Variants in NCOA6 observed in about 807,000 individuals in gnomAD.
NCOA6 encodes NRC RAP250.
A neutral mutation model predicts 171.4 loss-of-function variants in NCOA6; 49 were observed. The ratio of observed to expected loss-of-function variants is 0.29; its 90% confidence interval spans 0.23 to 0.36. The LOEUF (loss-of-function observed/expected upper bound fraction) is 0.36. Among genes scored for constraint, NCOA6 ranks in the 10% least tolerant of loss-of-function variants. The pLI, the probability that NCOA6 is intolerant of heterozygous loss-of-function variation, is 1.00. For missense variants in NCOA6, 2,248 were observed against 2,554.5 expected, an observed-to-expected ratio of 0.88 and a Z score of 2.59; for synonymous variants, 910 against 927.5, an observed-to-expected ratio of 0.98 and a Z score of 0.34.
intron 5 of NCOA6, among the ~76,000 whole-genome samples, chr20:34,763,771 T>C (rs930699081): frequency 6.6e-6 from 1 of 152,186 alleles, no homozygotes; most frequent in Non-Finnish European, 1.5e-5. Flanking sequence ...ACCTAACGTC[T>C]AGAGCCCCAG....
At chr20:34,801,831 C>T (rs561009953) in intron 1 of NCOA6, among the ~76,000 whole-genome samples, 92 of 152,206 alleles carry the variant, frequency 6.0e-4, no homozygotes, top group Non-Finnish European at 1.2e-3. Flanking sequence ...CATCAATGCA[C>T]TCCAGCCTCG....
chr20:34,771,263 G>A (rs547132859), intron 4 of NCOA6, among the ~76,000 whole-genome samples: 1 of 152,148 alleles, frequency 6.6e-6, no homozygotes, highest in East Asian at 1.9e-4. Context: ...GGGACTACAG[G>A]AGTATGCCAA....
intron 1 of NCOA6, among the ~76,000 whole-genome samples, chr20:34,794,068 T>C (rs1408584252): frequency 1.3e-5 from 2 of 152,240 alleles, no homozygotes; most frequent in Admixed American, 1.3e-4. Context: ...CAGGCACTCT[T>C]ATTCATTGCT....
intron 1 of NCOA6, among the ~76,000 whole-genome samples, chr20:34,801,861 AAAAAC>A (rs3053687): frequency 6.6e-6 from 1 of 151,654 alleles, no homozygotes; most frequent in African/African-American, 2.4e-5. Flanking sequence ...ACTCCATCTC[AAAAAC>A]AAAACAAAAC....
chr20:34,778,071 A>G (rs560462056), intron 3 of NCOA6, among the ~76,000 whole-genome samples: 23 of 152,094 alleles, frequency 1.5e-4, no homozygotes, highest in African/African-American at 5.5e-4. Flanking sequence ...CGCCCAGCTA[A>G]TTTTTGTATT....
At chr20:34,751,583 T>C (rs1337743023) in intron 8 of NCOA6, among the ~76,000 whole-genome samples, 1 of 151,896 alleles carries the variant, frequency 6.6e-6, no homozygotes, top group African/African-American at 2.4e-5. Flanking sequence ...GCAGTTAATC[T>C]TGATCTGGAA....
intron 8 of NCOA6, among the ~76,000 whole-genome samples, chr20:34,751,109 G>A (rs1215499330): frequency 6.6e-6 from 1 of 151,944 alleles, no homozygotes; most frequent in African/African-American, 2.4e-5. Context: ...GGTGGCTCAC[G>A]CCTGTAATCC....
chr20:34,732,577 G>C lies in NCOA6; in HGVS notation c.5981C>G (p.Ala1994Gly). ...ATCTTACCTTTGTCCAGAGACTATGGCAGCATTTACCTCCAGCTCTGCAAA... is the reference window on the plus strand; with the variant it reads ...ATCTTACCTTTGTCCAGAGACTATGCCAGCATTTACCTCCAGCTCTGCAAA... ...VARPELEVNAAIVSGQSSEPK... is the reference protein window; with the variant it reads ...VARPELEVNAGIVSGQSSEPK... The change falls in exon 13 of 15, where the codon GCC (alanine) becomes GGC (glycine). Residue 1994 changes from alanine (A) to glycine (G), a missense_variant. Coordinates refer to ENST00000359003, the MANE Select transcript of NCOA6 (RefSeq NM_014071.5). The C allele has an allele frequency of 6.2e-7, 1 of 1,613,710 alleles. No individual in the cohort carries two copies. Among genetic ancestry groups the C allele is most frequent in the Non-Finnish European group, 8.5e-7 (1 of 1,179,822 alleles).
At chr20:34,747,606 G>C (rs2076346191) in intron 9 of NCOA6, among the ~76,000 whole-genome samples, 1 of 152,170 alleles carries the variant, frequency 6.6e-6, no homozygotes, top group South Asian at 2.1e-4. Flanking sequence ...CATTTTGTTT[G>C]TAATCTCAGT....
At chr20:34,823,004 C>A (rs1056213686) in intron 1 of NCOA6, among the ~76,000 whole-genome samples, 1 of 152,122 alleles carries the variant, frequency 6.6e-6, no homozygotes, top group South Asian at 2.1e-4. Flanking sequence ...TTATGCGCAT[C>A]ATGTCTTTGA....
At chr20:34,783,293 G>A (rs1181866402) in intron 2 of NCOA6, among the ~76,000 whole-genome samples, 1 of 151,986 alleles carries the variant, frequency 6.6e-6, no homozygotes, top group African/African-American at 2.4e-5. Flanking sequence ...AAAAAAAAAG[G>A]GGGTTGATAT....
chr20:34,812,908 A>G (rs1030993099), intron 1 of NCOA6, among the ~76,000 whole-genome samples: 1 of 152,064 alleles, frequency 6.6e-6, no homozygotes, highest in Admixed American at 6.6e-5. Flanking sequence ...TAATCCCAGC[A>G]CACTGGGAGG....
At chr20:34,739,585 A>G (rs1289360473) in intron 11 of NCOA6, among the ~76,000 whole-genome samples, 1 of 152,214 alleles carries the variant, frequency 6.6e-6, no homozygotes, top group East Asian at 1.9e-4. Flanking sequence ...AATAGTCATG[A>G]GCAAATCTTC....
chr20:34,803,477 GA>G (rs140810484), intron 1 of NCOA6, among the ~76,000 whole-genome samples: 35 of 127,562 alleles, frequency 2.7e-4, no homozygotes, highest in Non-Finnish European at 4.8e-4. Context: ...AAAAAAAAAA[GA>G]AAAAAAAAAC....
At chr20:34,754,469 G>A (rs547529526) in intron 8 of NCOA6, among the ~76,000 whole-genome samples, 1 of 152,158 alleles carries the variant, frequency 6.6e-6, no homozygotes, top group South Asian at 2.1e-4. Context: ...TGCCCCTTCA[G>A]AGAAAAAAAA....
intron 1 of NCOA6, among the ~76,000 whole-genome samples, chr20:34,799,118 T>C (rs1184310569): frequency 1.3e-5 from 2 of 152,052 alleles, no homozygotes; most frequent in African/African-American, 2.4e-5. Context: ...GAATTCAGAA[T>C]CCTATCAGAT....
At chr20:34,778,120 G>A (rs1365205941) in intron 3 of NCOA6, among the ~76,000 whole-genome samples, 1 of 152,158 alleles carries the variant, frequency 6.6e-6, no homozygotes, top group Non-Finnish European at 1.5e-5. Flanking sequence ...GGCCAGGATG[G>A]TCTTGATCTC....
intron 1 of NCOA6, among the ~76,000 whole-genome samples, chr20:34,808,496 T>A (rs2078538670): frequency 6.8e-6 from 1 of 147,592 alleles, no homozygotes; most frequent in Admixed American, 7.0e-5. Context: ...TGGAGTGCAA[T>A]GGTGCGATCT....
At chr20:34,752,219 A>G (rs2076510060) in intron 8 of NCOA6, among the ~76,000 whole-genome samples, 1 of 152,206 alleles carries the variant, frequency 6.6e-6, no homozygotes, top group Non-Finnish European at 1.5e-5. Context: ...AAGCCAGTCC[A>G]TGCTCCAACT....
Sources: allele counts gnomAD v4.1 joint callset (sites outside exome capture counted in the v4.1 genomes callset), GRCh38; gene constraint gnomAD v4.1.1; transcripts MANE v1.5; gene names NCBI Gene and HGNC (gene_info 2026-07-23, HGNC 2026-07-21).